Variants in NYAP2 observed in about 807,000 individuals in gnomAD.
NYAP2 encodes neuronal tyrosine-phosphorylated phosphoinositide-3-kinase adaptor 2, also known as neuronal tyrosine-phosphorylated phosphoinositide-3-kinase adapter 2.
NYAP2 carries 23 observed loss-of-function variants against 50.4 expected under a neutral mutation model. The ratio of observed to expected loss-of-function variants is 0.46; its 90% CI spans 0.33 to 0.65. NYAP2 has a LOEUF of 0.65. NYAP2 is among the 30% of genes least tolerant of loss of function. The pLI, the probability that NYAP2 is intolerant of heterozygous loss-of-function variation, is 0.02. For missense variants in NYAP2, 885 were observed against 861.0 expected (o/e 1.03, Z -0.35); for synonymous variants, 394 against 365.2 (o/e 1.08, Z -0.90).
At chr2:225,593,663 C>T (rs895347256) in intron 5 of NYAP2, among the ~76,000 whole-genome samples, 2 of 152,110 alleles carry the variant, frequency 1.3e-5, no homozygotes, top group African/African-American at 4.8e-5. Flanking sequence ...CCAGGGAAAA[C>T]AAGCTACAAA....
chr2:225,416,960 G>A (rs912241215), intron 3 of NYAP2, among the ~76,000 whole-genome samples: 2 of 152,130 alleles, frequency 1.3e-5, no homozygotes, highest in South Asian at 2.1e-4. Flanking sequence ...GAAGCCCGTT[G>A]GAGAATTTAA....
intron 4 of NYAP2, among the ~76,000 whole-genome samples, chr2:225,578,097 T>G (rs1279308778): frequency 6.6e-6 from 1 of 151,956 alleles, no homozygotes; most frequent in African/African-American, 2.4e-5. Context: ...CACGCCTGGC[T>G]AATTTTTGTA....
exon 2 of NYAP2, chr2:225,400,881 C>T (rs544670242): frequency 6.6e-6 from 1 of 152,660 alleles, no homozygotes; most frequent in South Asian, 2.1e-4. Context: ...AGACACAATG[C>T]ACTTTAATTG....
chr2:225,409,000 A>C, exon 3 of NYAP2: 2 of 1,612,602 alleles, frequency 1.2e-6, no homozygotes, highest in Non-Finnish European at 1.7e-6. Flanking sequence ...AGAATGCGTC[A>C]GATATTGCTC....
chr2:225,439,226 T>C (rs1477143330), intron 3 of NYAP2, among the ~76,000 whole-genome samples: 3 of 151,914 alleles, frequency 2.0e-5, no homozygotes, highest in South Asian at 4.2e-4. Flanking sequence ...GTTGAAGATA[T>C]AGGAAAGAGC....
chr2:225,475,472 T>C (rs1444411213), intron 3 of NYAP2, among the ~76,000 whole-genome samples: 1 of 152,224 alleles, frequency 6.6e-6, no homozygotes, highest in Non-Finnish European at 1.5e-5. Flanking sequence ...TCATTTGATG[T>C]ATATGAGTAT....
intron 4 of NYAP2, among the ~76,000 whole-genome samples, chr2:225,533,616 G>A (rs1349759724): frequency 6.6e-6 from 1 of 152,116 alleles, no homozygotes; most frequent in Non-Finnish European, 1.5e-5. Flanking sequence ...TTGAGCCCAA[G>A]GGGTGGAGGT....
intron 2 of NYAP2, among the ~76,000 whole-genome samples, chr2:225,403,340 A>G (rs957747872): frequency 3.3e-5 from 5 of 152,032 alleles, no homozygotes; most frequent in African/African-American, 1.2e-4. Flanking sequence ...CAAATAAAAT[A>G]AAAACACAAA....
At chr2:225,699,015 A>T in the NYAP2 span, 1 of 151,886 alleles carries the variant, frequency 6.6e-6, no homozygotes, top group Admixed American at 6.6e-5. Context: ...GTAATATATG[A>T]TCTGGTGCTA....
intron 3 of NYAP2, among the ~76,000 whole-genome samples, chr2:225,466,729 A>G (rs1689925197): frequency 6.6e-6 from 1 of 152,230 alleles, no homozygotes; most frequent in Non-Finnish European, 1.5e-5. Flanking sequence ...TATCTAAACA[A>G]TTCTGATCAG....
upstream of NYAP2, among the ~76,000 whole-genome samples, chr2:225,398,125 C>T (rs1429049571): frequency 6.6e-6 from 1 of 151,952 alleles, no homozygotes; most frequent in African/African-American, 2.4e-5. Context: ...ATGTCAGCCT[C>T]TCCTCACTTT....
At chr2:225,596,853 A>G (rs1382898768) in intron 5 of NYAP2, among the ~76,000 whole-genome samples, 1 of 152,200 alleles carries the variant, frequency 6.6e-6, no homozygotes, top group Non-Finnish European at 1.5e-5. Flanking sequence ...ATAAATGAAT[A>G]TCATGTTGTC....
chr2:225,523,736 A>G (rs1574657817), intron 4 of NYAP2, among the ~76,000 whole-genome samples: 1 of 152,276 alleles, frequency 6.6e-6, no homozygotes, highest in Non-Finnish European at 1.5e-5. Context: ...GAAACCAAAA[A>G]AACAAGGCCT....
intron 2 of NYAP2, among the ~76,000 whole-genome samples, chr2:225,407,961 T>C (rs1317222564): frequency 6.6e-6 from 1 of 151,990 alleles, no homozygotes; most frequent in Non-Finnish European, 1.5e-5. Flanking sequence ...TACTTACTAT[T>C]GTTGAACTCT....
At chr2:225,623,713 G>A (rs916672327) in intron 5 of NYAP2, among the ~76,000 whole-genome samples, 2 of 152,114 alleles carry the variant, frequency 1.3e-5, no homozygotes, top group Non-Finnish European at 2.9e-5. Flanking sequence ...ATTGTTGGGT[G>A]GGGTTATTCA....
rs527528773 is a variant in NYAP2, at chr2:225,508,759, A to G, written c.222-4612A>G. Among the ~76,000 whole-genome samples, 39 of 152,344 alleles carry G rather than the reference A, an allele frequency of 2.6e-4. No individual in the cohort carries two copies. The South Asian group carries it at 8.1e-3, about 32-fold the overall frequency. ...AAGAAGTAATCAGGTGTAATACCTC[A>G]TTGTGCTCATCCATTGTCTAGGAGC... On this transcript the variant is annotated intron_variant, in intron 3 of 6. Transcript: ENST00000636099.
In NYAP2 at chr2:225,612,223, C is replaced by T. The variant is rs187261495; in HGVS notation, c.1619-14694C>T. 3.0e-3 allele frequency among the ~76,000 whole-genome samples: 453 copies of T among 150,876 alleles called. 6 individuals are homozygous for T. Among genetic ancestry groups the T allele is most frequent in the Middle Eastern group, 6.8e-3 (2 of 294 alleles). On this transcript the variant is annotated intron_variant, in intron 5 of 6. Coordinates refer to ENST00000636099, the Ensembl canonical transcript of NYAP2. Reference sequence around the variant, plus strand: ...TGTACTACCTAGATTTCCATTTCCACATCTCATTATACCACTCTTCCTGTT... The same window carrying T: ...TGTACTACCTAGATTTCCATTTCCATATCTCATTATACCACTCTTCCTGTT...
At chr2:225,483,551 G>T (rs1022030880) in intron 3 of NYAP2, among the ~76,000 whole-genome samples, 1 of 152,084 alleles carries the variant, frequency 6.6e-6, no homozygotes, top group Admixed American at 6.6e-5. Flanking sequence ...ATTATCACAA[G>T]AGCAACTCTT....
At chr2:225,619,199 T>C (rs1408838632) in intron 5 of NYAP2, among the ~76,000 whole-genome samples, 1 of 152,208 alleles carries the variant, frequency 6.6e-6, no homozygotes, top group Non-Finnish European at 1.5e-5. Context: ...TTTACAAATA[T>C]GGAAATTGGG....
Sources: allele counts gnomAD v4.1 joint callset (sites outside exome capture counted in the v4.1 genomes callset), GRCh38; gene constraint gnomAD v4.1.1; transcripts MANE v1.5; gene names NCBI Gene and HGNC (gene_info 2026-07-23, HGNC 2026-07-21).